IFTAP: variants seen among roughly 807,000 people sequenced by gnomAD.
The protein encoded by IFTAP is intraflagellar transport-associated protein.
A neutral mutation model predicts 19.4 loss-of-function variants in IFTAP; 19 were observed. That is an observed-to-expected ratio of 0.98 (90% CI 0.68 to 1.44). The LOEUF is 1.44. Ranked by LOEUF, IFTAP falls within the 40% of genes most tolerant of loss-of-function variation. IFTAP has a pLI of 0.00. For missense variants in IFTAP, 240 were observed against 253.6 expected, an observed-to-expected ratio of 0.95 and a Z score of 0.36; for synonymous variants, 85 against 83.5, an observed-to-expected ratio of 1.02 and a Z score of -0.10.
chr11:36,596,211 GTTTTTTTTTTGTTT>G (rs1344292137), intron 1 of IFTAP, among the ~76,000 whole-genome samples: 4 of 101,158 alleles, frequency 4.0e-5, no homozygotes, highest in Non-Finnish European at 5.8e-5. Flanking sequence ...AGATGGTAGT[GTTTTTTTTTTGTTT>G]TTTTTTTTTT....
At chr11:36,626,571 TGTGA>T (rs549425812) in intron 2 of IFTAP, among the ~76,000 whole-genome samples, 3 of 151,356 alleles carry the variant, frequency 2.0e-5, no homozygotes, top group Non-Finnish European at 4.4e-5. Flanking sequence ...TTACAGGAAC[TGTGA>T]GTAAGTTCCT....
chr11:36,599,869 G>A (rs1851439778), intron 1 of IFTAP, among the ~76,000 whole-genome samples: 1 of 152,154 alleles, frequency 6.6e-6, no homozygotes, highest in Non-Finnish European at 1.5e-5. Flanking sequence ...AAGGACAACT[G>A]TCATAAAATT....
At chr11:36,632,044 G>A (rs1040567704) in intron 2 of IFTAP, among the ~76,000 whole-genome samples, 1 of 151,086 alleles carries the variant, frequency 6.6e-6, no homozygotes, top group African/African-American at 2.5e-5. Flanking sequence ...AGGAGGATAG[G>A]TTCTAGAGTC....
intron 5 of IFTAP, among the ~76,000 whole-genome samples, chr11:36,650,567 A>T (rs186537659): frequency 3.2e-4 from 48 of 151,206 alleles, no homozygotes; most frequent in African/African-American, 1.1e-3. Flanking sequence ...CCAAAAAAAA[A>T]ATATATTTTT....
chr11:36,610,377 A>G, intron 2 of IFTAP, 138 bp downstream of exon 2: 1 of 756,116 alleles, frequency 1.3e-6, no homozygotes, highest in Non-Finnish European at 2.1e-6. Flanking sequence ...TTACTAGGGC[A>G]CTCGTGACTG....
intron 5 of IFTAP, among the ~76,000 whole-genome samples, chr11:36,654,096 T>G (rs551960495): frequency 6.6e-6 from 1 of 152,172 alleles, no homozygotes; most frequent in Admixed American, 6.6e-5. Context: ...TCATCCAGAA[T>G]TGAAAAGCTA....
intron 1 of IFTAP, among the ~76,000 whole-genome samples, chr11:36,602,473 T>C (rs1851543379): frequency 6.6e-6 from 1 of 152,180 alleles, no homozygotes; most frequent in South Asian, 2.1e-4. Flanking sequence ...TAGTGGGACA[T>C]TGTATCTTAT....
intron 5 of IFTAP, among the ~76,000 whole-genome samples, chr11:36,654,640 C>CT (rs1565034702): frequency 1.3e-5 from 2 of 151,942 alleles, no homozygotes; most frequent in African/African-American, 4.8e-5. Context: ...AGCTTCACAC[C>CT]TTTTTTTTCA....
At chr11:36,603,922 CAAAAA>C (rs562737848) in intron 1 of IFTAP, among the ~76,000 whole-genome samples, 12 of 113,772 alleles carry the variant, frequency 1.1e-4, no homozygotes, top group African/African-American at 3.8e-4. Flanking sequence ...AACTCAGTCT[CAAAAA>C]AAAAAAAAAA....
intron 1 of IFTAP, among the ~76,000 whole-genome samples, chr11:36,605,792 C>T (rs1251954101): frequency 6.6e-5 from 10 of 152,128 alleles, no homozygotes; most frequent in African/African-American, 9.7e-5. Flanking sequence ...TATCACAAGA[C>T]GTTTTGAGTC....
At chr11:36,652,369 A>G (rs1853777141) in intron 5 of IFTAP, among the ~76,000 whole-genome samples, 1 of 152,294 alleles carries the variant, frequency 6.6e-6, no homozygotes, top group Non-Finnish European at 1.5e-5. Flanking sequence ...TTATTGGTGT[A>G]TAAGAATGCT....
chr11:36,622,306 A>G (rs1306131687), intron 2 of IFTAP, among the ~76,000 whole-genome samples: 1 of 152,016 alleles, frequency 6.6e-6, no homozygotes, highest in East Asian at 1.9e-4. Flanking sequence ...AGAGGGAAAA[A>G]TTACTCCTCC....
intron 1 of IFTAP, among the ~76,000 whole-genome samples, chr11:36,601,156 A>G (rs1851495896): frequency 6.6e-6 from 1 of 152,254 alleles, no homozygotes; most frequent in Admixed American, 6.5e-5. Flanking sequence ...TGTTTGCAAT[A>G]AGGTCAGTGG....
At chr11:36,618,994 C>A (rs12291763) in intron 2 of IFTAP, among the ~76,000 whole-genome samples, 1,577 of 151,960 alleles carry the variant, frequency 0.01, 26 homozygotes, top group African/African-American at 0.036. Context: ...AGGGTACTGG[C>A]AGAGGATTAA....
rs1249459772 is a variant in IFTAP, at chr11:36,600,892, A to G, written c.-24+6300A>G. Among the ~76,000 whole-genome samples the G allele has an allele frequency of 3.3e-5, 5 of 152,190 alleles. No homozygotes were observed. In the South Asian group the frequency reaches 8.3e-4, roughly 25 times the overall value. ...AATTGGAAAAAGAAGATGGAAGCCA[A>G]CCTCAAGCCCCATCCCTTTATTTTT... On this transcript the variant is annotated intron_variant, in intron 1 of 5. Transcript: ENST00000334307.
At chr11:36,604,209 C>T (rs1197915233) in intron 1 of IFTAP, among the ~76,000 whole-genome samples, 3 of 152,116 alleles carry the variant, frequency 2.0e-5, no homozygotes, top group Non-Finnish European at 4.4e-5. Flanking sequence ...ACCTTTCCTA[C>T]CTCCTTCCAA....
chr11:36,625,252 G>A (rs1382512530), intron 2 of IFTAP, among the ~76,000 whole-genome samples: 1 of 151,842 alleles, frequency 6.6e-6, no homozygotes, highest in Non-Finnish European at 1.5e-5. Context: ...TATATAAAAT[G>A]CACATAAATA....
rs570545580 is a variant in IFTAP at position 36,657,416 on chromosome 11, G to C, written c.499-1603G>C. ...AATGGACTGATCAGCCTTGCAGGCT[G>C]ATTTGCTTTTTGTGTACAGCTGGGT... On this transcript the variant is annotated intron_variant, in intron 5 of 5. Coordinates refer to ENST00000334307, the MANE Select transcript of IFTAP (RefSeq NM_138787.4). Among the ~76,000 whole-genome samples, 15 of 152,278 alleles carry C rather than the reference G, an allele frequency of 9.9e-5. 1 individual carries two copies. The South Asian group carries it at 3.1e-3, about 32-fold the overall frequency.
At chr11:36,655,127 A>T (rs1051414129) in intron 5 of IFTAP, among the ~76,000 whole-genome samples, 1 of 152,108 alleles carries the variant, frequency 6.6e-6, no homozygotes, top group Non-Finnish European at 1.5e-5. Flanking sequence ...CTCTAGGATG[A>T]TTTGGCACCA....
Sources: allele counts gnomAD v4.1 joint callset (sites outside exome capture counted in the v4.1 genomes callset), GRCh38; gene constraint gnomAD v4.1.1; transcripts MANE v1.5; gene names NCBI Gene and HGNC (gene_info 2026-07-23, HGNC 2026-07-21).